The following SLC22A9 variants were observed in gnomAD, a reference collection of about 807,000 sequenced individuals.
SLC22A9 encodes solute carrier family 22 member 9.
Under a neutral mutation model 50.1 loss-of-function variants are expected in SLC22A9, and 64 were observed. The ratio of observed to expected loss-of-function variants is 1.28; its 90% CI spans 1.04 to 1.57. The LOEUF (loss-of-function observed/expected upper bound fraction) is 1.57. SLC22A9 is among the 40% of genes most tolerant of loss of function. SLC22A9 has a pLI of 0.00. For synonymous variants in SLC22A9, 261 were observed against 242.5 expected, an observed-to-expected ratio of 1.08 and a Z score of -0.71; for missense variants, 757 against 676.1, an observed-to-expected ratio of 1.12 and a Z score of -1.33.
At chr11:63,399,221 A>T (rs112853005) in intron 6 of SLC22A9, among the ~76,000 whole-genome samples, 1 of 152,204 alleles carries the variant, frequency 6.6e-6, no homozygotes, top group Non-Finnish European at 1.5e-5. Context: ...CATTGAATGT[A>T]CATGGACTAA....
rs746659965 is a variant in SLC22A9, at chr11:63,371,251, G to A, written c.506+13G>A. On this transcript the variant is annotated intron_variant, in intron 2 of 9. Coordinates refer to ENST00000279178, the MANE Select transcript of SLC22A9 (RefSeq NM_080866.3). ...ATTTATCAGACAGGTGAGTGTGTATGGAACACAGCTCTCTTTAAGGGCATT... is the reference window on the plus strand; with the variant it reads ...ATTTATCAGACAGGTGAGTGTGTATAGAACACAGCTCTCTTTAAGGGCATT... 1 of 1,576,800 alleles carries A rather than the reference G, an allele frequency of 6.3e-7. No individual in the cohort carries two copies. Among genetic ancestry groups the A allele is most frequent in the Non-Finnish European group, 8.7e-7 (1 of 1,148,120 alleles).
intron 6 of SLC22A9, among the ~76,000 whole-genome samples, chr11:63,388,873 G>T (rs1396695205): frequency 6.6e-6 from 1 of 151,946 alleles, no homozygotes; most frequent in African/African-American, 2.4e-5. Flanking sequence ...CTCTGTTCAG[G>T]TTTTAAATTT....
intron 6 of SLC22A9, among the ~76,000 whole-genome samples, chr11:63,390,816 A>G (rs2119948963): frequency 6.6e-6 from 1 of 152,134 alleles, no homozygotes; most frequent in Middle Eastern, 3.4e-3. Flanking sequence ...GATTCTTCCT[A>G]TCCACACCTG....
At position 63,370,500 on chromosome 11, in the gene SLC22A9, T is replaced by C. The variant is rs541005502; in HGVS notation, c.402+42T>C. 18 of 1,518,836 alleles carry C rather than the reference T, an allele frequency of 1.2e-5. No homozygotes were observed. The South Asian group carries it at 2.4e-4, about 20-fold the overall frequency. 94.1% of individuals were successfully genotyped at this position (1,518,836 alleles called of 1,614,324 possible). A position where few individuals can be genotyped will look rare whatever the true frequency, so the allele number is the denominator to read the frequency against. ...TCGTCTCATGAGTATGTGACCTGGG[T>C]GTTTAGAATAACACAAGTAATAATC... On this transcript the variant is annotated intron_variant, in intron 1 of 9. Transcript: ENST00000279178.
Position 63,369,966 on chromosome 11 carries a change from T to C in SLC22A9, c.-91T>C, listed in dbSNP as rs2014318771. ...GGGGTCAGGATCAAAACACATTTAGTGTGACTTAGGGAAAGAAAACATTTT... is the reference window on the plus strand; with the variant it reads ...GGGGTCAGGATCAAAACACATTTAGCGTGACTTAGGGAAAGAAAACATTTT... On this transcript the variant is annotated 5_prime_UTR_variant, in exon 1 of 10. Coordinates refer to ENST00000279178, the MANE Select transcript of SLC22A9 (RefSeq NM_080866.3). 5.4e-6 allele frequency: 7 copies of C among 1,295,880 alleles called. No individual in the cohort carries two copies. The South Asian group carries it at 8.6e-5, about 16-fold the overall frequency. The allele number at this position is 1,295,880 out of a possible 1,614,324, so 80.3% of individuals were successfully genotyped here.
At position 63,369,915 on chromosome 11, in the gene SLC22A9, G is replaced by A; in HGVS notation, c.-142G>A. ...TGTTTCCACGGTCCTGCTGCAGAGG[G>A]GAAGCACAGTCGTCAAGAAGAGAGT... On this transcript the variant is annotated 5_prime_UTR_variant, in exon 1 of 10. Transcript: ENST00000279178. The A allele has an allele frequency of 2.4e-6, 2 of 819,152 alleles. No homozygotes were observed. The highest frequency in any genetic ancestry group is 3.7e-6 in the Non-Finnish European group (2 of 542,470). 50.7% of individuals were successfully genotyped at this position (819,152 alleles called of 1,614,324 possible).
intron 5 of SLC22A9, among the ~76,000 whole-genome samples, chr11:63,377,928 C>T (rs931907977): frequency 6.6e-5 from 10 of 152,024 alleles, no homozygotes; most frequent in East Asian, 1.9e-4. Context: ...CGCCTCTATG[C>T]GCAGAAACTA....
At chr11:63,394,247 A>AT (rs1326895592) in intron 6 of SLC22A9, among the ~76,000 whole-genome samples, 2 of 152,008 alleles carry the variant, frequency 1.3e-5, no homozygotes, top group East Asian at 3.9e-4. Context: ...TCCAGTCATC[A>AT]TGCTATTTGT....
At chr11:63,385,959 G>A (rs1355153270) in intron 6 of SLC22A9, among the ~76,000 whole-genome samples, 1 of 152,000 alleles carries the variant, frequency 6.6e-6, no homozygotes, top group Non-Finnish European at 1.5e-5. Context: ...TAATTTTAAG[G>A]TATGTTCCTT....
intron 6 of SLC22A9, among the ~76,000 whole-genome samples, chr11:63,398,214 C>A (rs774177896): frequency 3.6e-4 from 55 of 152,114 alleles, no homozygotes; most frequent in Admixed American, 5.9e-4. Flanking sequence ...GGCCCCAGGA[C>A]CCTATTCTAC....
Position 63,372,323 on chromosome 11 carries a change from G to A in SLC22A9, c.506+1085G>A, listed in dbSNP as rs112209204. ...CAACTGTTTATGATATCTTAAAATC[G>A]GAAATAATCTATAATTTCATTAATA... is the stretch of plus-strand genomic sequence containing the variant. On this transcript the variant is annotated intron_variant, in intron 2 of 9. Transcript: ENST00000279178. Among the ~76,000 whole-genome samples, 562 of 100,590 alleles carry A rather than the reference G, an allele frequency of 5.6e-3. 7 individuals carry two copies. The highest frequency in any genetic ancestry group is 0.017 in the African/African-American group (515 of 29,858). The allele number at this position is 100,590 out of a possible 152,430, so 66.0% of individuals were successfully genotyped here. A position where few individuals can be genotyped will look rare whatever the true frequency, so the allele number is the denominator to read the frequency against.
intron 9 of SLC22A9, 81 bp from the exon 10 acceptor site, chr11:63,409,721 T>C: frequency 7.2e-7 from 1 of 1,398,538 alleles, no homozygotes; most frequent in Admixed American, 1.9e-5. Flanking sequence ...CAACATTCCT[T>C]AAAGAATGCG....
intron 6 of SLC22A9, among the ~76,000 whole-genome samples, chr11:63,405,545 T>C (rs1041227131): frequency 6.6e-6 from 1 of 152,172 alleles, no homozygotes; most frequent in African/African-American, 2.4e-5. Flanking sequence ...TAAACATAAG[T>C]AATATAAAAA....
Position 63,373,935 on chromosome 11 carries a change from A to G in SLC22A9, c.703A>G (p.Thr235Ala). 3.7e-6 allele frequency: 6 copies of G among 1,613,700 alleles called. No individual in the cohort carries two copies. The highest frequency in any genetic ancestry group is 4.2e-6 in the Non-Finnish European group (5 of 1,179,778). ...ACACAGATTCCAGGCCATGGGAATTACATTGGGAATGTGCCCTTCTGGTAT... is the reference window on the plus strand; with the variant it reads ...ACACAGATTCCAGGCCATGGGAATTGCATTGGGAATGTGCCCTTCTGGTAT... Reference protein sequence around the residue: ...ATHRFQAMGITLGMCPSGIAF... With the variant: ...ATHRFQAMGIALGMCPSGIAF... Residue 235 changes from threonine to alanine, a missense_variant, in exon 4 of 10, where the codon ACA becomes GCA. Transcript: ENST00000279178.
chr11:63,385,195 G>A (rs576425088), intron 6 of SLC22A9, among the ~76,000 whole-genome samples: 1 of 116,248 alleles, frequency 8.6e-6, no homozygotes, highest in South Asian at 2.9e-4. Context: ...AGTTGCTTTT[G>A]GTGATTTCAT....
chr11:63,398,123 C>T (rs183054801), intron 6 of SLC22A9, among the ~76,000 whole-genome samples: 2 of 152,280 alleles, frequency 1.3e-5, no homozygotes, highest in East Asian at 3.9e-4. Context: ...AGGCCTGCGT[C>T]CTTCCCTTCA....
chr11:63,385,753 A>C (rs560422196), intron 6 of SLC22A9, among the ~76,000 whole-genome samples: 16 of 152,184 alleles, frequency 1.1e-4, no homozygotes, highest in African/African-American at 3.6e-4. Flanking sequence ...AGACAACTTG[A>C]CTTCCTCTCT....
At chr11:63,393,345 G>T (rs2014797273) in intron 6 of SLC22A9, among the ~76,000 whole-genome samples, 2 of 152,080 alleles carry the variant, frequency 1.3e-5, no homozygotes, top group South Asian at 4.1e-4. Context: ...TTTGTATCTG[G>T]AAACTTTGCT....
intron 6 of SLC22A9, among the ~76,000 whole-genome samples, chr11:63,395,486 T>C (rs623990): frequency 0.56 from 84,911 of 151,946 alleles, 24,309 homozygotes; most frequent in Non-Finnish European, 0.64. Context: ...ATTGTTATCT[T>C]GCTTCTGGAT....
Sources: gnomAD v4.1 joint callset for allele counts (sites outside exome capture counted in the v4.1 genomes callset) on GRCh38, gnomAD v4.1.1 for gene constraint, MANE v1.5 for transcripts, NCBI Gene and HGNC (gene_info 2026-07-23, HGNC 2026-07-21) for gene names.